PARD6G: variants seen among roughly 807,000 people sequenced by gnomAD.
PARD6G encodes partitioning defective 6 homolog gamma.
Under a neutral mutation model 10.7 loss-of-function variants are expected in PARD6G, and 7 were observed. That is an observed-to-expected ratio of 0.66 (90% CI 0.37 to 1.23). PARD6G has a LOEUF of 1.23. Ranked by LOEUF, PARD6G falls within the 50% of genes most tolerant of loss-of-function variation. The pLI is 0.02. For missense variants in PARD6G, 548 were observed against 571.8 expected (o/e 0.96, Z 0.42); for synonymous variants, 287 against 269.4 (o/e 1.07, Z -0.64).
chr18:80,178,565 T>C (rs1238515726), intron 2 of PARD6G: 1 of 152,400 alleles, frequency 6.6e-6, no homozygotes, highest in Non-Finnish European at 1.5e-5. Context: ...TTTCTGATCA[T>C]TTTTGCTTTA....
chr18:80,211,019 G>A (rs958462056), intron 1 of PARD6G, among the ~76,000 whole-genome samples: 6 of 152,062 alleles, frequency 3.9e-5, no homozygotes, highest in Non-Finnish European at 5.9e-5. Context: ...AGTTGATTGA[G>A]TTTCTTAGTC....
rs534842288 is a variant in PARD6G, at chr18:80,184,416, C to G, written c.295+18294G>C. On this transcript the variant is annotated intron_variant, in intron 2 of 2. Transcript: ENST00000353265. The surrounding 1 kb of genome is among the most constrained non-coding windows in gnomAD (Gnocchi z 4.5). ...CAACTGATGAACCAACCGATGAACACAGGGTGACCTGTCCATACAGTGGGG... is the reference window on the plus strand; with the variant it reads ...CAACTGATGAACCAACCGATGAACAGAGGGTGACCTGTCCATACAGTGGGG... 1 of 152,386 alleles carries G rather than the reference C, an allele frequency of 6.6e-6. No homozygotes were observed. The highest frequency in any genetic ancestry group is 1.9e-4 in the East Asian group (1 of 5,184). 9.4% of individuals were successfully genotyped at this position (152,386 alleles called of 1,614,324 possible). A position where few individuals can be genotyped will look rare whatever the true frequency, so the allele number is the denominator to read the frequency against.
At chr18:80,177,124 G>GCACA (rs980113711) in intron 2 of PARD6G, among the ~76,000 whole-genome samples, 1 of 130,414 alleles carries the variant, frequency 7.7e-6, no homozygotes, top group African/African-American at 3.0e-5. Flanking sequence ...CAAATGGGAA[G>GCACA]CACACACACA....
intron 1 of PARD6G, among the ~76,000 whole-genome samples, chr18:80,209,682 C>G (rs1054134263): frequency 3.3e-5 from 5 of 152,082 alleles, no homozygotes; most frequent in African/African-American, 1.2e-4. Context: ...CGTGGTGGCA[C>G]ACGCCTGTAG....
intron 2 of PARD6G, among the ~76,000 whole-genome samples, chr18:80,196,907 A>G (rs919958841): frequency 4.0e-5 from 6 of 151,144 alleles, no homozygotes; most frequent in Admixed American, 6.6e-5. Context: ...AAAAAAAAAA[A>G]AAAAAAAAAA....
At chr18:80,242,018 A>C (rs1967495199) in intron 1 of PARD6G, among the ~76,000 whole-genome samples, 1 of 152,120 alleles carries the variant, frequency 6.6e-6, no homozygotes, top group African/African-American at 2.4e-5. Flanking sequence ...TTCTATCTGA[A>C]ATGCCATGGG....
chr18:80,231,379 T>C lies in PARD6G; in HGVS notation c.72+15898A>G, dbSNP rs986064054. On this transcript the variant is annotated intron_variant, in intron 1 of 2. Transcript: ENST00000353265. This position sits in a 1 kb window ranked among gnomAD's most constrained non-coding sequence, Gnocchi z 4.2. ...CCCGTGGAAGAAAGTGGGGTCCCATTCCGATGTGAGCTCATGATACATGGA... is the reference window on the plus strand; with the variant it reads ...CCCGTGGAAGAAAGTGGGGTCCCATCCCGATGTGAGCTCATGATACATGGA... Among the ~76,000 whole-genome samples the C allele has an allele frequency of 2.6e-5, 4 of 152,170 alleles. No individual in the cohort carries two copies. The highest frequency in any genetic ancestry group is 5.9e-5 in the Non-Finnish European group (4 of 68,014).
intron 1 of PARD6G, among the ~76,000 whole-genome samples, chr18:80,215,737 G>C (rs1967158234): frequency 6.6e-6 from 1 of 152,014 alleles, no homozygotes; most frequent in Non-Finnish European, 1.5e-5. Context: ...AAAATAAACA[G>C]CAAAATGACA....
intron 1 of PARD6G, among the ~76,000 whole-genome samples, chr18:80,236,110 C>T (rs555511342): frequency 6.6e-6 from 1 of 152,198 alleles, no homozygotes; most frequent in Non-Finnish European, 1.5e-5. Flanking sequence ...CAATAAAATA[C>T]TGGCAAACCA....
rs1266010148 is a variant in PARD6G at position 80,228,535 on chromosome 18, C to G, written c.72+18742G>C. 6.7e-6 allele frequency among the ~76,000 whole-genome samples: 1 copy of G among 149,254 alleles called. No homozygotes were observed. Among genetic ancestry groups the G allele is most frequent in the Non-Finnish European group, 1.5e-5 (1 of 67,094 alleles). On this transcript the variant is annotated intron_variant, in intron 1 of 2. Coordinates refer to ENST00000353265, the MANE Select transcript of PARD6G (RefSeq NM_032510.4). The surrounding 1 kb of genome is among the most constrained non-coding windows in gnomAD (Gnocchi z 4.6). ...GCCCCAAGGTGCGCAGACTGTCTCT[C>G]GTCTAAGGTCCCAGACACCACAGGG...
At chr18:80,168,540 T>A (rs1373081365) in intron 2 of PARD6G, among the ~76,000 whole-genome samples, 1 of 151,906 alleles carries the variant, frequency 6.6e-6, no homozygotes, top group East Asian at 1.9e-4. Flanking sequence ...AACCACCCTC[T>A]CTCCCCATAT....
intron 2 of PARD6G, among the ~76,000 whole-genome samples, chr18:80,198,927 A>G (rs148973336): frequency 6.6e-6 from 1 of 152,304 alleles, no homozygotes; most frequent in Non-Finnish European, 1.5e-5. Context: ...ACCCATTTAA[A>G]GTGTAGAATT....
Position 80,244,138 on chromosome 18 carries a change from T to C in PARD6G, c.72+3139A>G, listed in dbSNP as rs530164955. Among the ~76,000 whole-genome samples the C allele has an allele frequency of 1.3e-5, 2 of 152,220 alleles. 1 individual carries two copies. Among genetic ancestry groups the C allele is most frequent in the South Asian group, 4.1e-4 (2 of 4,826 alleles). Reference sequence around the variant, plus strand: ...CCCAGCACTGGCTTTTCCGCTGCATTCTAAGGTGGCCAAGGACTCTTGCTC... The same window carrying C: ...CCCAGCACTGGCTTTTCCGCTGCATCCTAAGGTGGCCAAGGACTCTTGCTC... On this transcript the variant is annotated intron_variant, in intron 1 of 2. Transcript: ENST00000353265.
chr18:80,244,575 A>G (rs1371615551), intron 1 of PARD6G, among the ~76,000 whole-genome samples: 1 of 152,218 alleles, frequency 6.6e-6, no homozygotes, highest in African/African-American at 2.4e-5. Flanking sequence ...TATTTAACTC[A>G]AAGCGCTCTT....
At chr18:80,219,923 C>A (rs756159586) in intron 1 of PARD6G, among the ~76,000 whole-genome samples, 3 of 152,154 alleles carry the variant, frequency 2.0e-5, no homozygotes, top group Non-Finnish European at 1.5e-5. Context: ...CCAACCTCTG[C>A]CTGTTACCCA....
chr18:80,221,366 A>C (rs990246857), intron 1 of PARD6G, among the ~76,000 whole-genome samples: 3 of 152,202 alleles, frequency 2.0e-5, no homozygotes, highest in African/African-American at 7.2e-5. Flanking sequence ...ACACACCATG[A>C]CCTGTGAGAT....
At chr18:80,191,089 T>C (rs895009843) in intron 2 of PARD6G, among the ~76,000 whole-genome samples, 4 of 152,166 alleles carry the variant, frequency 2.6e-5, no homozygotes, top group African/African-American at 9.7e-5. Context: ...TGGATGAGTA[T>C]TTTAACAGTA....
intron 1 of PARD6G, among the ~76,000 whole-genome samples, chr18:80,222,262 T>G (rs1035556775): frequency 6.6e-6 from 1 of 151,964 alleles, no homozygotes; most frequent in Admixed American, 6.6e-5. Flanking sequence ...TTTTTTTTTT[T>G]AATTTTGTAG....
At chr18:80,243,892 G>A (rs767460588) in intron 1 of PARD6G, among the ~76,000 whole-genome samples, 6 of 152,162 alleles carry the variant, frequency 3.9e-5, no homozygotes, top group Admixed American at 2.0e-4. Context: ...CTACGCTCAC[G>A]TCTGAAGGAA....
Sources: gnomAD v4.1 joint callset for allele counts (sites outside exome capture counted in the v4.1 genomes callset) on GRCh38, gnomAD v4.1.1 for gene constraint, Gnocchi (gnomAD v3.1) non-coding constraint, MANE v1.5 for transcripts, NCBI Gene and HGNC (gene_info 2026-07-23, HGNC 2026-07-21) for gene names.